EZH2: variants seen among roughly 807,000 people sequenced by gnomAD.
The protein encoded by EZH2 is histone-lysine N-methyltransferase EZH2.
Under a neutral mutation model 98.4 loss-of-function variants are expected in EZH2, and 18 were observed. That is an observed-to-expected ratio of 0.18 (90% CI 0.13 to 0.27). EZH2 has a LOEUF of 0.27. Ranked by LOEUF, EZH2 falls within the 10% of genes least tolerant of loss-of-function variation. The pLI, the probability that EZH2 is intolerant of heterozygous loss-of-function variation, is 1.00. For synonymous variants in EZH2, 338 were observed against 312.3 expected (o/e 1.08, Z -0.87); for missense variants, 470 against 935.1 (o/e 0.50, Z 6.49).
chr7:148,880,978 AG>A, intron 1 of EZH2, among the ~76,000 whole-genome samples: 1 of 152,364 alleles, frequency 6.6e-6, no homozygotes, highest in South Asian at 2.1e-4. Context: ...GTGGGAATTC[AG>A]GGAAGACCTC....
In EZH2 at chr7:148,845,877, A is replaced by G. The variant is rs948231999; in HGVS notation, c.246+593T>C. Among the ~76,000 whole-genome samples, 4 of 152,316 alleles carry G rather than the reference A, an allele frequency of 2.6e-5. No homozygotes were observed. In the East Asian group the frequency reaches 7.7e-4, roughly 29 times the overall value. On this transcript the variant is annotated intron_variant, in intron 3 of 19. Transcript: ENST00000320356. ...TGCCATTTTCTTCTCATCTTGCTGC[A>G]ATCATGTTTTAACGGGATATTTAAT...
At chr7:148,873,786 A>C (rs1247716196) in intron 1 of EZH2, among the ~76,000 whole-genome samples, 1 of 152,038 alleles carries the variant, frequency 6.6e-6, no homozygotes, top group African/African-American at 2.4e-5. Flanking sequence ...TAGTACTTAC[A>C]ATATACAAAA....
intron 16 of EZH2, among the ~76,000 whole-genome samples, chr7:148,810,789 G>A (rs768256532): frequency 4.0e-5 from 6 of 151,874 alleles, no homozygotes; most frequent in Non-Finnish European, 5.9e-5. Flanking sequence ...CCAGCTACTC[G>A]GGACACTGAG....
At chr7:148,874,929 C>G (rs1819978026) in intron 1 of EZH2, among the ~76,000 whole-genome samples, 1 of 151,484 alleles carries the variant, frequency 6.6e-6, no homozygotes, top group Non-Finnish European at 1.5e-5. Flanking sequence ...ACTTGATTGT[C>G]AAAGTAGGGA....
intron 1 of EZH2, among the ~76,000 whole-genome samples, chr7:148,868,861 T>C (rs980085006): frequency 6.6e-6 from 1 of 152,216 alleles, no homozygotes; most frequent in Non-Finnish European, 1.5e-5. Context: ...TTTTCTTTTC[T>C]AGAAAATGTG....
chr7:148,809,695 A>G (rs1299171941), intron 17 of EZH2, among the ~76,000 whole-genome samples: 1 of 152,254 alleles, frequency 6.6e-6, no homozygotes, highest in East Asian at 1.9e-4. Flanking sequence ...AAATTCTTCC[A>G]AACATCACGA....
intron 3 of EZH2, among the ~76,000 whole-genome samples, chr7:148,835,468 C>T (rs924449926): frequency 4.0e-5 from 6 of 150,074 alleles, no homozygotes; most frequent in Non-Finnish European, 7.4e-5. Flanking sequence ...GTAATAGGAG[C>T]ATCTCCTCCA....
At chr7:148,847,672 C>CATTAA (rs144260719) in intron 1 of EZH2, among the ~76,000 whole-genome samples, 1,923 of 148,278 alleles carry the variant, frequency 0.013, 47 homozygotes, top group African/African-American at 0.045. Flanking sequence ...TGTTTTTCAT[C>CATTAA]ATTAGCTGTT....
intron 12 of EZH2, 55 bp from the exon 13 acceptor site, chr7:148,815,601 A>G: frequency 6.7e-7 from 1 of 1,489,194 alleles, no homozygotes; most frequent in Non-Finnish European, 9.4e-7. Flanking sequence ...TACAAATCCA[A>G]CAGAGAGCTG....
chr7:148,844,218 G>T (rs1347204125), intron 3 of EZH2, among the ~76,000 whole-genome samples: 1 of 152,142 alleles, frequency 6.6e-6, no homozygotes, highest in Non-Finnish European at 1.5e-5. Flanking sequence ...GAAATAATAT[G>T]TAGATGGAAA....
chr7:148,866,951 T>A (rs1029438211), intron 1 of EZH2, among the ~76,000 whole-genome samples: 1 of 149,062 alleles, frequency 6.7e-6, no homozygotes, highest in Non-Finnish European at 1.5e-5. Context: ...TAACCTCAAG[T>A]GATCCACCCG....
intron 11 of EZH2, 24 bp from the exon 12 acceptor site, chr7:148,816,802 G>T: frequency 1.9e-6 from 3 of 1,560,822 alleles, no homozygotes; most frequent in Non-Finnish European, 2.7e-6. Flanking sequence ...CAGTCACAGA[G>T]CCATGAGGAC....
intron 15 of EZH2, among the ~76,000 whole-genome samples, chr7:148,813,084 CAG>C (rs1373767548): frequency 1.3e-5 from 2 of 150,626 alleles, no homozygotes; most frequent in East Asian, 1.9e-4. Flanking sequence ...CACACACACA[CAG>C]AGCATAAGAG....
At chr7:148,847,651 A>T (rs1375755382) in intron 1 of EZH2, among the ~76,000 whole-genome samples, 1 of 152,040 alleles carries the variant, frequency 6.6e-6, no homozygotes. Context: ...AGAAAATATA[A>T]AGACAGATCC....
chr7:148,877,292 C>T (rs1028253474), intron 1 of EZH2, among the ~76,000 whole-genome samples: 3 of 152,124 alleles, frequency 2.0e-5, no homozygotes, highest in African/African-American at 4.8e-5. Context: ...TAGTTTAAAG[C>T]GAACACATTT....
chr7:148,862,503 T>C (rs990233829), intron 1 of EZH2, among the ~76,000 whole-genome samples: 1 of 152,344 alleles, frequency 6.6e-6, no homozygotes, highest in South Asian at 2.1e-4. Context: ...GTTGTTTTCC[T>C]TGAAGTGACA....
intron 11 of EZH2, 68 bp downstream of exon 11, chr7:148,817,154 G>A: frequency 7.0e-7 from 1 of 1,424,380 alleles, no homozygotes. Context: ...TTCTTTGTTT[G>A]GACAACGAGT....
intron 1 of EZH2, among the ~76,000 whole-genome samples, chr7:148,865,535 T>C (rs1396370163): frequency 6.6e-6 from 1 of 152,158 alleles, no homozygotes; most frequent in East Asian, 1.9e-4. Flanking sequence ...TCAGGAGTGA[T>C]TCTAACAGGA....
intron 3 of EZH2, among the ~76,000 whole-genome samples, chr7:148,840,249 C>T (rs556574641): frequency 1.4e-4 from 22 of 152,162 alleles, no homozygotes; most frequent in African/African-American, 5.1e-4. Flanking sequence ...CAGTACAGCA[C>T]TGATTGCAAA....
Sources: gnomAD v4.1 joint callset for allele counts (sites outside exome capture counted in the v4.1 genomes callset) on GRCh38, gnomAD v4.1.1 for gene constraint, MANE v1.5 for transcripts, NCBI Gene and HGNC (gene_info 2026-07-23, HGNC 2026-07-21) for gene names.